ANKRD30BL: variants seen among roughly 807,000 people sequenced by gnomAD.
ANKRD30BL encodes the protein putative ankyrin repeat domain-containing protein 30B-like.
In ANKRD30BL, 20 loss-of-function variants were observed where a neutral mutation model predicts 18.4. That is an observed-to-expected ratio of 1.09 (90% confidence interval 0.77 to 1.58). The LOEUF is 1.58. ANKRD30BL is among the 40% of genes most tolerant of loss of function. The pLI, the probability that ANKRD30BL is intolerant of heterozygous loss-of-function variation, is 0.00. For synonymous variants in ANKRD30BL, 72 were observed against 100.9 expected (o/e 0.71, Z 1.72); for missense variants, 224 against 268.6 (o/e 0.83, Z 1.16).
chr2:132,164,986 A>G (rs1457816188), upstream of ANKRD30BL, among the ~76,000 whole-genome samples: 1 of 152,082 alleles, frequency 6.6e-6, no homozygotes, highest in African/African-American at 2.4e-5. Flanking sequence ...AGGCGTGAGA[A>G]TGGCGTGAAT....
chr2:132,158,511 G>C (rs541038447), intron 1 of ANKRD30BL, among the ~76,000 whole-genome samples: 74 of 151,944 alleles, frequency 4.9e-4, no homozygotes, highest in African/African-American at 1.7e-3. Flanking sequence ...ATCTTCAATT[G>C]AGATTCATTC....
intron 1 of ANKRD30BL, among the ~76,000 whole-genome samples, chr2:132,221,813 G>T (rs1165830176): frequency 1.6e-5 from 2 of 122,534 alleles, no homozygotes; most frequent in Non-Finnish European, 3.3e-5. Flanking sequence ...CGTCCGGGAG[G>T]GAGGTGGGGG....
chr2:132,153,521 T>C, intron 4 of ANKRD30BL: 1 of 493,110 alleles, frequency 2.0e-6, no homozygotes, highest in South Asian at 1.5e-5. Context: ...AAACAAACTA[T>C]AAAATCTCAC....
rs200451805 is a variant in ANKRD30BL at position 132,254,683 on chromosome 2, G to A, written n.441+2846C>T. ...CACGCTGAGCCAGTCAGTGTAGCGCGCGTGCAGCCCTGGACATTTAAGGGC... is the reference window on the plus strand; with the variant it reads ...CACGCTGAGCCAGTCAGTGTAGCGCACGTGCAGCCCTGGACATTTAAGGGC... On this transcript the variant is annotated intron_variant and non_coding_transcript_variant, in intron 1 of 4. Coordinates refer to the ANKRD30BL transcript ENST00000470729. 7.2e-3 allele frequency among the ~76,000 whole-genome samples: 1,104 copies of A among 152,286 alleles called. 5 individuals are homozygous for A. Among genetic ancestry groups the A allele is most frequent in the Non-Finnish European group, 0.012 (814 of 68,024 alleles).
intron 1 of ANKRD30BL, among the ~76,000 whole-genome samples, chr2:132,158,559 C>T (rs950863701): frequency 1.3e-5 from 2 of 151,686 alleles, no homozygotes; most frequent in African/African-American, 4.8e-5. Context: ...TTTGCTAAGG[C>T]TGAGCAGGTA....
At chr2:132,212,632 C>T (rs1217889987) in intron 1 of ANKRD30BL, among the ~76,000 whole-genome samples, 2 of 149,972 alleles carry the variant, frequency 1.3e-5, no homozygotes, top group Non-Finnish European at 3.0e-5. Flanking sequence ...TGGGGGAAAA[C>T]AATCTTCACT....
intron 4 of ANKRD30BL, chr2:132,152,159 C>CT (rs1687774352): frequency 6.6e-6 from 1 of 152,224 alleles, no homozygotes; most frequent in South Asian, 2.1e-4. Flanking sequence ...AATTGCAATA[C>CT]TGGGTGTCAC....
At chr2:132,235,585 A>G (rs912251859) in intron 1 of ANKRD30BL, among the ~76,000 whole-genome samples, 1 of 152,156 alleles carries the variant, frequency 6.6e-6, no homozygotes, top group Non-Finnish European at 1.5e-5. Context: ...ATTCCCATTC[A>G]CAATTGCTTC....
intron 1 of ANKRD30BL, among the ~76,000 whole-genome samples, chr2:132,195,172 T>C (rs2104741525): frequency 6.6e-6 from 1 of 152,244 alleles, no homozygotes; most frequent in Non-Finnish European, 1.5e-5. Flanking sequence ...AATATTTCTA[T>C]AAAGAGTCTC....
chr2:132,237,862 C>A (rs562993755), intron 1 of ANKRD30BL, among the ~76,000 whole-genome samples: 1 of 151,978 alleles, frequency 6.6e-6, no homozygotes, highest in Non-Finnish European at 1.5e-5. Flanking sequence ...CAGAGTTGAA[C>A]TTTTCTTTTG....
intron 1 of ANKRD30BL, chr2:132,257,494 G>A (rs983362715): frequency 7.7e-6 from 2 of 260,368 alleles, no homozygotes; most frequent in South Asian, 7.2e-5. Flanking sequence ...TCCCCACCGC[G>A]GAGGCTGGCG....
In ANKRD30BL at chr2:132,216,957, T is replaced by A. The variant is rs551526389; in HGVS notation, n.441+40572A>T. Among the ~76,000 whole-genome samples the A allele has an allele frequency of 5.3e-5, 8 of 152,240 alleles. No individual in the cohort carries two copies. In the South Asian group the frequency reaches 1.7e-3, roughly 32 times the overall value. Reference sequence around the variant, plus strand: ...ACTAGACAGAAGCATTCTCAGAAACTTCTTTGTGATGTGTGAATTCAACTC... The same window carrying A: ...ACTAGACAGAAGCATTCTCAGAAACATCTTTGTGATGTGTGAATTCAACTC... On this transcript the variant is annotated intron_variant and non_coding_transcript_variant, in intron 1 of 4. Transcript: ENST00000470729.
intron 1 of ANKRD30BL, among the ~76,000 whole-genome samples, chr2:132,221,650 T>G: frequency 1.2e-5 from 1 of 85,232 alleles, no homozygotes; most frequent in Non-Finnish European, 2.0e-5. Context: ...GGTGGGGGGT[T>G]CAGCCCCCCG....
intron 1 of ANKRD30BL, among the ~76,000 whole-genome samples, chr2:132,194,781 G>A (rs908599020): frequency 2.7e-4 from 41 of 152,164 alleles, no homozygotes; most frequent in African/African-American, 9.7e-4. Context: ...GATGAAAAAT[G>A]ACTAAAAATG....
chr2:132,197,719 G>A (rs948036564), intron 1 of ANKRD30BL, among the ~76,000 whole-genome samples: 1 of 151,628 alleles, frequency 6.6e-6, no homozygotes, highest in African/African-American at 2.4e-5. Context: ...TTTACTTGCA[G>A]GATAAATGTT....
chr2:132,161,151 C>T (rs1688046031), intron 1 of ANKRD30BL, among the ~76,000 whole-genome samples: 1 of 148,112 alleles, frequency 6.8e-6, no homozygotes, highest in African/African-American at 2.5e-5. Context: ...AAAAGTAAAA[C>T]CCTGTATGTA....
At chr2:132,220,547 G>T (rs62165523) in intron 1 of ANKRD30BL, among the ~76,000 whole-genome samples, 8,922 of 151,690 alleles carry the variant, frequency 0.059, 317 homozygotes, top group South Asian at 0.12. Context: ...TTTTTTTTTG[G>T]TGGAGACGGG....
rs1243475839 is a variant in ANKRD30BL, at chr2:132,222,186, C to T, written n.441+35343G>A. ...GGAAGTGAGGAGCCCCTCTGCCTGG[C>T]CAGCCGCCCCGTCCGGGAGGGTGGT... On this transcript the variant is annotated intron_variant and non_coding_transcript_variant, in intron 1 of 4. Transcript: ENST00000470729. Among the ~76,000 whole-genome samples, 220 of 148,430 alleles carry T rather than the reference C, an allele frequency of 1.5e-3. 1 individual carries two copies. The highest frequency in any genetic ancestry group is 5.1e-3 in the African/African-American group (206 of 40,178).
At chr2:132,244,629 TG>T (rs1680440048) in intron 1 of ANKRD30BL, among the ~76,000 whole-genome samples, 1 of 152,292 alleles carries the variant, frequency 6.6e-6, no homozygotes, top group East Asian at 1.9e-4. Context: ...GACACTTCGT[TG>T]TGATGTGTGC....
Sources: gnomAD v4.1 joint callset for allele counts (sites outside exome capture counted in the v4.1 genomes callset) on GRCh38, gnomAD v4.1.1 for gene constraint, MANE v1.5 for transcripts, NCBI Gene and HGNC (gene_info 2026-07-23, HGNC 2026-07-21) for gene names.